Variants in SHC3 observed in about 807,000 individuals in gnomAD.
The protein encoded by SHC3 is SHC-transforming protein 3.
A neutral mutation model predicts 60.4 loss-of-function variants in SHC3; 15 were observed. That is an observed-to-expected ratio of 0.25 (90% CI 0.17 to 0.38). The LOEUF is 0.38. Among genes scored for constraint, SHC3 ranks in the 10% least tolerant of loss-of-function variants. SHC3 has a pLI of 1.00. For synonymous variants in SHC3, 294 were observed against 325.9 expected (o/e 0.90, Z 1.05); for missense variants, 677 against 786.1 (o/e 0.86, Z 1.66).
chr9:89,134,062 T>C (rs563649054), intron 1 of SHC3, among the ~76,000 whole-genome samples: 15 of 152,234 alleles, frequency 9.9e-5, no homozygotes, highest in African/African-American at 3.4e-4. Context: ...TGGCACATAA[T>C]TATAATCACT....
At chr9:89,052,668 T>C (rs1474055333) in intron 6 of SHC3, among the ~76,000 whole-genome samples, 3 of 152,180 alleles carry the variant, frequency 2.0e-5, no homozygotes, top group Non-Finnish European at 2.9e-5. Context: ...GGTAAAGTGT[T>C]GATCACCATA....
At chr9:89,077,035 G>C (rs552461793) in intron 3 of SHC3, among the ~76,000 whole-genome samples, 2 of 151,954 alleles carry the variant, frequency 1.3e-5, no homozygotes, top group Non-Finnish European at 2.9e-5. Flanking sequence ...AAATTAGCTG[G>C]GCATGGTGGC....
intron 2 of SHC3, 95 bp downstream of exon 2, chr9:89,112,461 G>A (rs1386034154): frequency 3.0e-6 from 4 of 1,354,550 alleles, no homozygotes; most frequent in Non-Finnish European, 4.2e-6. Flanking sequence ...CCCTCCAAGG[G>A]CCGGTCTTTT....
intron 7 of SHC3, among the ~76,000 whole-genome samples, chr9:89,048,149 C>T (rs1014344820): frequency 4.0e-5 from 6 of 149,964 alleles, no homozygotes; most frequent in Admixed American, 6.7e-5. Context: ...GAGGCTGAGA[C>T]GAGAGAATTG....
Position 89,013,472 on chromosome 9 carries a change from T to G in SHC3, c.1760A>C (p.Gln587Pro), listed in dbSNP as rs764136850. 1 of 1,613,616 alleles carries G rather than the reference T, an allele frequency of 6.2e-7. No individual in the cohort carries two copies. Residue 587 changes from glutamine (Q) to proline (P), a missense_variant, in exon 12 of 12, where the codon CAG (glutamine) becomes CCG (proline). Physicochemically the swap from Gln to Pro is moderately conservative, Grantham distance 76. Coordinates refer to ENST00000375835, the MANE Select transcript of SHC3 (RefSeq NM_016848.6). ...IVSAGSELCL[Q>P]QPVERKQ is the part of the protein sequence containing the mutation. ...TCACTGCTTCCTCTCCACTGGCTGCTGGAGACACAGCTCACTCCCTGCAGA... is the reference window on the plus strand; with the variant it reads ...TCACTGCTTCCTCTCCACTGGCTGCGGGAGACACAGCTCACTCCCTGCAGA...
At position 89,013,210 on chromosome 9, in the gene SHC3, A is replaced by AATATAAATAT. The variant is rs1826036582; in HGVS notation, c.*227_*236dup. 5.9e-6 allele frequency: 2 copies of AATATAAATAT among 338,060 alleles called. No individual in the cohort carries two copies. The highest frequency in any genetic ancestry group is 9.3e-5 in the East Asian group (2 of 21,414). 20.9% of individuals were successfully genotyped at this position (338,060 alleles called of 1,614,324 possible). A position where few individuals can be genotyped will look rare whatever the true frequency, so the allele number is the denominator to read the frequency against. The stretch of plus-strand genomic sequence containing the variant: ...TCTTACATCTTTCTTAGTCTTAAAA[A>AATATAAATAT]ATATAAATATAGAGGGATAATTTGT... On this transcript the variant is annotated 3_prime_UTR_variant, in exon 12 of 12. Transcript: ENST00000375835.
chr9:89,167,016 T>C (rs1305946702), intron 1 of SHC3, among the ~76,000 whole-genome samples: 2 of 152,212 alleles, frequency 1.3e-5, no homozygotes, highest in African/African-American at 2.4e-5. Context: ...GCAGTGGCTC[T>C]TCACAGCACG....
chr9:89,112,460 G>T, intron 2 of SHC3, 96 bp downstream of exon 2: 1 of 1,348,284 alleles, frequency 7.4e-7, no homozygotes, highest in Non-Finnish European at 1.1e-6. Context: ...ACCCTCCAAG[G>T]GCCGGTCTTT....
intron 2 of SHC3, among the ~76,000 whole-genome samples, chr9:89,103,744 T>C (rs1825816637): frequency 6.6e-6 from 1 of 152,208 alleles, no homozygotes; most frequent in Admixed American, 6.5e-5. Context: ...AGCCCTATGA[T>C]GGAGATGCCA....
intron 11 of SHC3, among the ~76,000 whole-genome samples, chr9:89,021,166 G>T (rs576750276): frequency 1.2e-4 from 19 of 152,182 alleles, no homozygotes; most frequent in African/African-American, 4.3e-4. Context: ...AAGTACACTC[G>T]TGTTAGTATT....
intron 1 of SHC3, among the ~76,000 whole-genome samples, chr9:89,114,705 T>C (rs1207798163): frequency 6.6e-6 from 1 of 152,114 alleles, no homozygotes; most frequent in African/African-American, 2.4e-5. Flanking sequence ...CACAGAATTA[T>C]GCAAATACTC....
intron 1 of SHC3, among the ~76,000 whole-genome samples, chr9:89,156,736 C>G (rs1014938228): frequency 2.0e-5 from 3 of 152,180 alleles, no homozygotes; most frequent in African/African-American, 7.2e-5. Flanking sequence ...AGGCTGAGGA[C>G]TCAACTCTGA....
intron 7 of SHC3, among the ~76,000 whole-genome samples, chr9:89,050,369 GC>G (rs1824842914): frequency 6.6e-6 from 1 of 152,102 alleles, no homozygotes; most frequent in Non-Finnish European, 1.5e-5. Context: ...TACTGCAACC[GC>G]CACCTCCCGA....
chr9:89,085,692 A>C (rs1825517948), intron 2 of SHC3, among the ~76,000 whole-genome samples: 3 of 152,210 alleles, frequency 2.0e-5, no homozygotes, highest in African/African-American at 7.2e-5. Flanking sequence ...TCAGCTTCAT[A>C]CAAGGCTTTC....
intron 4 of SHC3, among the ~76,000 whole-genome samples, chr9:89,074,136 G>A (rs954849805): frequency 1.3e-5 from 2 of 152,200 alleles, no homozygotes; most frequent in Non-Finnish European, 2.9e-5. Context: ...TGGGTGGCAG[G>A]TGGAGGAATA....
At chr9:89,089,570 A>G (rs914328164) in intron 2 of SHC3, among the ~76,000 whole-genome samples, 2 of 152,214 alleles carry the variant, frequency 1.3e-5, no homozygotes, top group Non-Finnish European at 2.9e-5. Flanking sequence ...GAACCACCAT[A>G]CCTAAGACAA....
intron 2 of SHC3, chr9:89,109,837 T>C: frequency 3.0e-6 from 3 of 985,476 alleles, no homozygotes; most frequent in Non-Finnish European, 3.6e-6. Context: ...GATCACATGA[T>C]TACTCAGCTA....
At chr9:89,040,216 TCA>T (rs1824661030) in intron 10 of SHC3, among the ~76,000 whole-genome samples, 1 of 2,620 alleles carries the variant, frequency 3.8e-4, no homozygotes, top group Admixed American at 5.2e-3. Flanking sequence ...ACCATCATCA[TCA>T]TCACCACCAC....
intron 10 of SHC3, among the ~76,000 whole-genome samples, chr9:89,040,065 A>G (rs900681246): frequency 2.0e-5 from 3 of 147,242 alleles, no homozygotes; most frequent in Admixed American, 2.0e-4. Context: ...CACCATCACC[A>G]CCACCACCTT....
Sources: gnomAD v4.1 joint callset for allele counts (sites outside exome capture counted in the v4.1 genomes callset) on GRCh38, gnomAD v4.1.1 for gene constraint, MANE v1.5 for transcripts, NCBI Gene and HGNC (gene_info 2026-07-23, HGNC 2026-07-21) for gene names.